CDH12: variants seen among roughly 807,000 people sequenced by gnomAD.
The protein encoded by CDH12 is cadherin 12.
Under a neutral mutation model 74.1 loss-of-function variants are expected in CDH12, and 41 were observed. The observed-to-expected ratio is 0.55, with a 90% CI of 0.43 to 0.72. The LOEUF is 0.72. Ranked by LOEUF, CDH12 falls within the 30% of genes least tolerant of loss-of-function variation. CDH12 has a pLI of 0.00. For synonymous variants in CDH12, 399 were observed against 355.0 expected (o/e 1.12, Z -1.39); for missense variants, 945 against 977.2 (o/e 0.97, Z 0.44).
chr5:22,557,738 A>G (rs1156736684), intron 1 of CDH12, among the ~76,000 whole-genome samples: 2 of 152,026 alleles, frequency 1.3e-5, no homozygotes, highest in African/African-American at 2.4e-5. Flanking sequence ...AATTACAAAG[A>G]AAAAAATCAA....
chr5:22,189,915 C>T (rs1019808580), intron 4 of CDH12, among the ~76,000 whole-genome samples: 8 of 152,116 alleles, frequency 5.3e-5, no homozygotes, highest in Middle Eastern at 3.4e-3. Context: ...TTTTCTAAGA[C>T]GTGTTTGCTT....
intron 1 of CDH12, among the ~76,000 whole-genome samples, chr5:22,650,764 G>A (rs543968876): frequency 6.6e-5 from 10 of 152,032 alleles, no homozygotes; most frequent in East Asian, 5.8e-4. Flanking sequence ...ACAGGGACAC[G>A]TGTACAACAT....
chr5:21,948,265 C>T (rs895898620), intron 6 of CDH12, among the ~76,000 whole-genome samples: 1 of 152,176 alleles, frequency 6.6e-6, no homozygotes, highest in African/African-American at 2.4e-5. Context: ...ACAGCTTGTA[C>T]TGTGCACCTG....
chr5:22,484,745 C>T (rs1166183223), intron 2 of CDH12, among the ~76,000 whole-genome samples: 2 of 152,198 alleles, frequency 1.3e-5, no homozygotes, highest in Non-Finnish European at 2.9e-5. Context: ...ACATGTGAGT[C>T]TCACAGAAAT....
At chr5:22,554,697 T>G (rs1036792577) in intron 1 of CDH12, among the ~76,000 whole-genome samples, 3 of 152,102 alleles carry the variant, frequency 2.0e-5, no homozygotes, top group Non-Finnish European at 2.9e-5. Flanking sequence ...TATTTAACTA[T>G]GTAATGATAT....
intron 6 of CDH12, among the ~76,000 whole-genome samples, chr5:21,855,681 C>A (rs1469988021): frequency 6.6e-6 from 1 of 151,374 alleles, no homozygotes; most frequent in East Asian, 1.9e-4. Context: ...TACACGTGTA[C>A]ATCCAAAGTT....
At chr5:22,069,213 C>G (rs1023247670) in intron 5 of CDH12, among the ~76,000 whole-genome samples, 1 of 152,086 alleles carries the variant, frequency 6.6e-6, no homozygotes, top group African/African-American at 2.4e-5. Context: ...CAGTAATGAA[C>G]CCATGCTCAT....
intron 1 of CDH12, among the ~76,000 whole-genome samples, chr5:22,573,009 A>C: frequency 6.6e-6 from 1 of 152,230 alleles, no homozygotes; most frequent in East Asian, 1.9e-4. Flanking sequence ...TAATGAAAAT[A>C]GCTCAAAATT....
intron 1 of CDH12, among the ~76,000 whole-genome samples, chr5:22,827,115 G>T (rs1429178160): frequency 6.6e-6 from 1 of 152,204 alleles, no homozygotes; most frequent in African/African-American, 2.4e-5. Flanking sequence ...TGTGTGTGCA[G>T]CCTAGGGACT....
chr5:22,384,865 G>A lies in CDH12; in HGVS notation c.-333+20392C>T, dbSNP rs573662992. ...TAGTGCAGTCTTTCAGTTAATACAAGCCTTGGGTCCGATTTCTAATGATTT... is the reference window on the plus strand; with the variant it reads ...TAGTGCAGTCTTTCAGTTAATACAAACCTTGGGTCCGATTTCTAATGATTT... On this transcript the variant is annotated intron_variant, in intron 3 of 14. Transcript: ENST00000382254. Among the ~76,000 whole-genome samples, 438 of 152,232 alleles carry A rather than the reference G, an allele frequency of 2.9e-3. 4 individuals carry two copies. Among genetic ancestry groups the A allele is most frequent in the African/African-American group, 0.01 (418 of 41,538 alleles).
At chr5:21,759,970 GA>G (rs1744623178) in intron 13 of CDH12, among the ~76,000 whole-genome samples, 1 of 152,066 alleles carries the variant, frequency 6.6e-6, no homozygotes. Context: ...GTTTGCTAAA[GA>G]TAATAGCCTC....
chr5:22,292,350 T>G (rs1365015736), intron 3 of CDH12, among the ~76,000 whole-genome samples: 8 of 148,886 alleles, frequency 5.4e-5, no homozygotes, highest in East Asian at 2.0e-4. Context: ...TGTTTTTTTT[T>G]TTTTTTTTTG....
At chr5:22,079,276 T>A (rs2150226261) in intron 4 of CDH12, among the ~76,000 whole-genome samples, 1 of 152,278 alleles carries the variant, frequency 6.6e-6, no homozygotes, top group African/African-American at 2.4e-5. Flanking sequence ...CTAGTAGCAC[T>A]TTTTTCTTCT....
At chr5:22,281,005 C>T (rs994296309) in intron 3 of CDH12, among the ~76,000 whole-genome samples, 1 of 152,116 alleles carries the variant, frequency 6.6e-6, no homozygotes, top group Non-Finnish European at 1.5e-5. Flanking sequence ...TCCAGCAGCC[C>T]ATCAAAAAGC....
intron 6 of CDH12, among the ~76,000 whole-genome samples, chr5:21,862,597 C>T (rs115646499): frequency 0.081 from 12,306 of 152,034 alleles, 706 homozygotes; most frequent in Non-Finnish European, 0.12. Flanking sequence ...ATACTATGCA[C>T]CAGATGCTAC....
chr5:21,870,937 G>A, intron 6 of CDH12, among the ~76,000 whole-genome samples: 1 of 152,052 alleles, frequency 6.6e-6, no homozygotes, highest in East Asian at 1.9e-4. Context: ...TTGTCATGTT[G>A]CTCAGGCTGG....
chr5:22,422,035 G>A (rs2126498309), intron 2 of CDH12, among the ~76,000 whole-genome samples: 1 of 152,254 alleles, frequency 6.6e-6, no homozygotes, highest in South Asian at 2.1e-4. Flanking sequence ...TGATGGGGTT[G>A]AATACTCTTT....
At chr5:22,383,001 T>G (rs996064366) in intron 3 of CDH12, among the ~76,000 whole-genome samples, 1 of 152,204 alleles carries the variant, frequency 6.6e-6, no homozygotes, top group South Asian at 2.1e-4. Context: ...CAGCACATTT[T>G]TTGTGTTTTT....
chr5:22,598,918 G>A (rs1736723720), intron 1 of CDH12, among the ~76,000 whole-genome samples: 1 of 152,090 alleles, frequency 6.6e-6, no homozygotes, highest in Middle Eastern at 3.2e-3. Flanking sequence ...GTGCACAGCT[G>A]GAAGTCATTG....
Sources: gnomAD v4.1 joint callset for allele counts (sites outside exome capture counted in the v4.1 genomes callset) on GRCh38, gnomAD v4.1.1 for gene constraint, MANE v1.5 for transcripts, NCBI Gene and HGNC (gene_info 2026-07-23, HGNC 2026-07-21) for gene names.